Variants in IL17RD observed in about 807,000 individuals in gnomAD.
IL17RD encodes interleukin 17 receptor D.
A neutral mutation model predicts 80.5 loss-of-function variants in IL17RD; 52 were observed. The observed-to-expected ratio is 0.65, with a 90% confidence interval of 0.52 to 0.81. The LOEUF (loss-of-function observed/expected upper bound fraction) is 0.81, where lower values mean the gene tolerates loss of function less well. Among genes scored for constraint, IL17RD ranks in the 40% least tolerant of loss-of-function variants. IL17RD has a pLI of 0.00. For synonymous variants in IL17RD, 416 were observed against 391.8 expected (o/e 1.06, Z -0.73); for missense variants, 1,024 against 955.1 (o/e 1.07, Z -0.95).
intron 5 of IL17RD, among the ~76,000 whole-genome samples, chr3:57,107,028 A>G (rs1163283858): frequency 6.6e-6 from 1 of 152,208 alleles, no homozygotes; most frequent in African/African-American, 2.4e-5. Context: ...ATTATGTGCA[A>G]GTCATCTAGA....
chr3:57,118,107 C>T (rs1430453458), intron 2 of IL17RD, among the ~76,000 whole-genome samples: 1 of 152,156 alleles, frequency 6.6e-6, no homozygotes, highest in African/African-American at 2.4e-5. Context: ...GAATGTAATA[C>T]AAGATCTGCT....
chr3:57,121,511 G>C (rs867145602), intron 1 of IL17RD, among the ~76,000 whole-genome samples: 1 of 152,104 alleles, frequency 6.6e-6, no homozygotes, highest in Admixed American at 6.6e-5. Flanking sequence ...TGAGGAATAA[G>C]TAACAGAAAA....
intron 11 of IL17RD, 59 bp downstream of exon 11, chr3:57,101,120 G>C: frequency 7.1e-7 from 1 of 1,404,990 alleles, no homozygotes. Context: ...AGGCAGCGGG[G>C]AGAGAGTACA....
intron 11 of IL17RD, among the ~76,000 whole-genome samples, chr3:57,100,695 C>G (rs1208348250): frequency 2.0e-5 from 3 of 152,166 alleles, no homozygotes; most frequent in Non-Finnish European, 4.4e-5. Context: ...TCTCCCTGGA[C>G]CTCAAGATCC....
At chr3:57,152,206 T>C (rs1388832167) in intron 1 of IL17RD, among the ~76,000 whole-genome samples, 1 of 151,768 alleles carries the variant, frequency 6.6e-6, no homozygotes, top group Non-Finnish European at 1.5e-5. Flanking sequence ...GACCAAAGCA[T>C]ACCCTCACCC....
intron 1 of IL17RD, chr3:57,142,423 T>A: frequency 1.2e-6 from 1 of 820,410 alleles, no homozygotes; most frequent in Non-Finnish European, 1.8e-6. Context: ...ATTGAAACAC[T>A]TATTGGTTTT....
chr3:57,146,194 T>A (rs1707927305), intron 1 of IL17RD, among the ~76,000 whole-genome samples: 1 of 152,204 alleles, frequency 6.6e-6, no homozygotes, highest in Admixed American at 6.5e-5. Context: ...TCAGGAAGAC[T>A]CACTAATCAA....
At chr3:57,105,438 G>A (rs1455025581) in intron 7 of IL17RD, among the ~76,000 whole-genome samples, 3 of 149,532 alleles carry the variant, frequency 2.0e-5, no homozygotes, top group African/African-American at 7.4e-5. Flanking sequence ...TCCAGAGGCT[G>A]AGGCAGGAGA....
At position 57,091,159 on chromosome 3, in the gene IL17RD, G is replaced by A. The variant is rs1345513091; in HGVS notation, c.*5234C>T. ...AAGTCTGTACCATTTAATATTGTGA[G>A]TCATGAAATAAAGGTGATATCTATA... On this transcript the variant is annotated 3_prime_UTR_variant, in exon 13 of 13. Transcript: ENST00000296318. The A allele has an allele frequency of 1.3e-5, 2 of 152,590 alleles. No individual in the cohort carries two copies. The highest frequency in any genetic ancestry group is 3.8e-4 in the East Asian group (2 of 5,198). The allele number at this position is 152,590 out of a possible 1,614,324, so 9.5% of individuals were successfully genotyped here.
At chr3:57,127,123 C>A (rs1232094277) in intron 1 of IL17RD, among the ~76,000 whole-genome samples, 1 of 145,586 alleles carries the variant, frequency 6.9e-6, no homozygotes, top group East Asian at 2.0e-4. Flanking sequence ...CTGCACCCGG[C>A]CGGAAGATGG....
chr3:57,133,638 T>A (rs1707659869), intron 1 of IL17RD, among the ~76,000 whole-genome samples: 1 of 152,210 alleles, frequency 6.6e-6, no homozygotes, highest in African/African-American at 2.4e-5. Context: ...AAGAAGGCAG[T>A]GGGGTGTTCC....
chr3:57,149,337 T>G (rs1237101199), intron 1 of IL17RD, among the ~76,000 whole-genome samples: 1 of 151,952 alleles, frequency 6.6e-6, no homozygotes, highest in African/African-American at 2.4e-5. Context: ...TCGGCAGAAT[T>G]GTCCTCTGCC....
chr3:57,117,423 T>C (rs1447154589), intron 2 of IL17RD, among the ~76,000 whole-genome samples: 1 of 151,960 alleles, frequency 6.6e-6, no homozygotes. Context: ...CAATATAAAG[T>C]CTAAGAATTA....
At chr3:57,158,266 G>T (rs11710921) in intron 1 of IL17RD, among the ~76,000 whole-genome samples, 40,081 of 152,070 alleles carry the variant, frequency 0.26, 6,226 homozygotes, top group South Asian at 0.37. Context: ...ATGAAGAAAG[G>T]TACAATAAAA....
Position 57,096,242 on chromosome 3 carries a change from G to T in IL17RD, c.*151C>A, listed in dbSNP as rs942824665. On this transcript the variant is annotated 3_prime_UTR_variant, in exon 13 of 13. Coordinates refer to ENST00000296318, the MANE Select transcript of IL17RD (RefSeq NM_017563.5). Reference sequence around the variant, plus strand: ...GTCAAGATATCCGGTAAAGGGTTGGGGCAAGGGAGAACAAGTACTGGCCAG... The same window carrying T: ...GTCAAGATATCCGGTAAAGGGTTGGTGCAAGGGAGAACAAGTACTGGCCAG... The T allele has an allele frequency of 1.1e-5, 7 of 643,596 alleles. No homozygotes were observed. In the East Asian group the frequency reaches 1.9e-4, roughly 18 times the overall value. The allele number at this position is 643,596 out of a possible 1,614,324, so 39.9% of individuals were successfully genotyped here. A position where few individuals can be genotyped will look rare whatever the true frequency, so the allele number is the denominator to read the frequency against.
intron 5 of IL17RD, among the ~76,000 whole-genome samples, chr3:57,106,642 T>G (rs1706971824): frequency 6.6e-6 from 1 of 152,198 alleles, no homozygotes; most frequent in Admixed American, 6.5e-5. Context: ...GATGGTTTCT[T>G]GAAATTACAT....
chr3:57,162,822 A>T (rs1157753512), intron 1 of IL17RD, among the ~76,000 whole-genome samples: 1 of 152,206 alleles, frequency 6.6e-6, no homozygotes, highest in Non-Finnish European at 1.5e-5. Flanking sequence ...CTGAAGACAT[A>T]GAAGTGAACA....
In IL17RD at chr3:57,114,720, G is replaced by A. The variant is rs1356645049; in HGVS notation, c.282C>T (p.Val94=). 1 of 1,612,054 alleles carries A rather than the reference G, an allele frequency of 6.2e-7. No homozygotes were observed. The highest frequency in any genetic ancestry group is 1.1e-5 in the South Asian group (1 of 90,552). ...GGGCCCCTGGGGACCAAAGAATGGTGACTGCCACTTGGTCATGGCAAGCAT... is the reference window on the plus strand; with the variant it reads ...GGGCCCCTGGGGACCAAAGAATGGTAACTGCCACTTGGTCATGGCAAGCAT... ...SQYACHDQVA[V]TILWSPGALG... is the part of the protein sequence containing the mutation. Residue 94 remains valine, a synonymous_variant, in exon 3 of 13, where the codon GTC becomes GTT. Transcript: ENST00000296318.
intron 1 of IL17RD, among the ~76,000 whole-genome samples, chr3:57,137,637 G>A (rs1707754414): frequency 6.6e-6 from 1 of 152,204 alleles, no homozygotes; most frequent in South Asian, 2.1e-4. Context: ...GATGGAAATT[G>A]ATTCCCTGCC....
Sources: allele counts gnomAD v4.1 joint callset (sites outside exome capture counted in the v4.1 genomes callset), GRCh38; gene constraint gnomAD v4.1.1; transcripts MANE v1.5; gene names NCBI Gene and HGNC (gene_info 2026-07-23, HGNC 2026-07-21).